Variants in NAPG observed in about 807,000 individuals in gnomAD.
The protein encoded by NAPG is NSF attachment protein gamma, also known as gamma-soluble NSF attachment protein.
NAPG carries 25 observed loss-of-function variants against 48.4 expected under a neutral mutation model. That is an observed-to-expected ratio of 0.52 (90% CI 0.38 to 0.72). The LOEUF (loss-of-function observed/expected upper bound fraction) is 0.72, where lower values mean the gene tolerates loss of function less well. Ranked by LOEUF, NAPG falls within the 30% of genes least tolerant of loss-of-function variation. The probability of loss-of-function intolerance (pLI) is 0.00; values close to 1 mark genes in which losing one functional copy is unlikely to be tolerated. For synonymous variants in NAPG, 139 were observed against 127.2 expected (o/e 1.09, Z -0.62); for missense variants, 359 against 372.5 (o/e 0.96, Z 0.30).
chr18:10,528,043 G>A (rs560969094), intron 1 of NAPG, among the ~76,000 whole-genome samples: 3,925 of 152,104 alleles, frequency 0.026, 171 homozygotes, highest in African/African-American at 0.089. Context: ...AAAATTAGCC[G>A]GCTGTGGTGG....
chr18:10,536,716 A>T (rs975546147), intron 5 of NAPG, among the ~76,000 whole-genome samples: 2 of 152,112 alleles, frequency 1.3e-5, no homozygotes, highest in Non-Finnish European at 2.9e-5. Flanking sequence ...ACTGCCTTCT[A>T]ATGTATTTTT....
intron 2 of NAPG, 94 bp from the exon 3 acceptor site, chr18:10,532,617 A>G (rs1008802969): frequency 3.4e-6 from 3 of 869,686 alleles, no homozygotes; most frequent in Non-Finnish European, 5.2e-6. Context: ...TGAAGTAAGT[A>G]TGTTTATAAT....
At chr18:10,549,422 G>T (rs2032339936) in intron 11 of NAPG, among the ~76,000 whole-genome samples, 2 of 152,080 alleles carry the variant, frequency 1.3e-5, no homozygotes, top group South Asian at 4.1e-4. Flanking sequence ...CTTTTAGACG[G>T]ACTCTCTGAA....
chr18:10,540,994 T>G (rs2032144801), intron 8 of NAPG, among the ~76,000 whole-genome samples: 1 of 152,198 alleles, frequency 6.6e-6, no homozygotes, highest in South Asian at 2.1e-4. Context: ...TAGGAGATTG[T>G]AAGTCTGCAG....
chr18:10,548,190 A>T lies in NAPG; in HGVS notation c.586-109A>T. ...CTATAGCATTTATAAATCTCTGTTTATACAAACAAAGACTCTGAAAGTTAA... is the reference window on the plus strand; with the variant it reads ...CTATAGCATTTATAAATCTCTGTTTTTACAAACAAAGACTCTGAAAGTTAA... On this transcript the variant is annotated intron_variant, in intron 9 of 11. Transcript: ENST00000322897. This position sits in a 1 kb window ranked among gnomAD's most constrained non-coding sequence, Gnocchi z 4.4. 2 of 758,836 alleles carry T rather than the reference A, an allele frequency of 2.6e-6. No individual in the cohort carries two copies. Among genetic ancestry groups the T allele is most frequent in the Non-Finnish European group, 4.5e-6 (2 of 441,656 alleles). 47.0% of individuals were successfully genotyped at this position (758,836 alleles called of 1,614,324 possible).
At chr18:10,530,680 T>G in intron 1 of NAPG, 90 bp from the exon 2 acceptor site, 1 of 759,550 alleles carries the variant, frequency 1.3e-6, no homozygotes, top group South Asian at 3.9e-5. Flanking sequence ...TTTTTTTTTT[T>G]TTTTAAAGAC....
At position 10,546,816 on chromosome 18, in the gene NAPG, C is replaced by A. The variant is rs1305070296; in HGVS notation, c.585+412C>A. Among the ~76,000 whole-genome samples, 1 of 152,162 alleles carries A rather than the reference C, an allele frequency of 6.6e-6. No homozygotes were observed. Among genetic ancestry groups the A allele is most frequent in the Non-Finnish European group, 1.5e-5 (1 of 68,030 alleles). ...AACAATGAAAACTCCAAAAGAAACCCCGCCTTTCTAACCAGCAATGGGAGA... is the reference window on the plus strand; with the variant it reads ...AACAATGAAAACTCCAAAAGAAACCACGCCTTTCTAACCAGCAATGGGAGA... On this transcript the variant is annotated intron_variant, in intron 9 of 11. Coordinates refer to ENST00000322897, the MANE Select transcript of NAPG (RefSeq NM_003826.3). This position sits in a 1 kb window ranked among gnomAD's most constrained non-coding sequence, Gnocchi z 4.0.
intron 9 of NAPG, among the ~76,000 whole-genome samples, chr18:10,547,873 CT>C (rs1347239165): frequency 3.3e-5 from 5 of 152,108 alleles, no homozygotes; most frequent in African/African-American, 1.2e-4. Context: ...TTCCTAGTTT[CT>C]TTTTAAGGAT....
rs745577497 is a variant in NAPG at position 10,548,361 on chromosome 18, T to C, written c.648T>C (p.Cys216=). 1.2e-6 allele frequency: 2 copies of C among 1,613,636 alleles called. No homozygotes were observed. The highest frequency in any genetic ancestry group is 2.2e-5 in the South Asian group (2 of 91,072). Residue 216 remains cysteine (C), a synonymous_variant, in exon 10 of 12, where the codon TGT becomes TGC. Coordinates refer to ENST00000322897, the MANE Select transcript of NAPG (RefSeq NM_003826.3). This position sits in a 1 kb window ranked among gnomAD's most constrained non-coding sequence, Gnocchi z 4.4. ...ATGACTATGTAGCTGCAGAAAGATG[T>C]GTCCGGGAGAGCTATAGGTAAGACG... is the stretch of plus-strand genomic sequence containing the variant. ...HRNDYVAAER[C]VRESYSIPGF... is the part of the protein sequence containing the mutation.
Position 10,532,772 on chromosome 18 carries a change from T to C in NAPG, c.186T>C (p.Ala62=). The part of the protein sequence containing the change: ...EQAKDACLRE[A]VAHENNRALF... The stretch of plus-strand genomic sequence containing the variant: ...CAAAAGATGCCTGCCTGAGGGAAGC[T>C]GTTGCCCATGAAAATAATAGGGCGT... Residue 62 remains alanine (A), a synonymous_variant, in exon 3 of 12, where the codon GCT becomes GCC. Transcript: ENST00000322897. 1 of 1,588,434 alleles carries C rather than the reference T, an allele frequency of 6.3e-7. No homozygotes were observed. Among genetic ancestry groups the C allele is most frequent in the Non-Finnish European group, 8.6e-7 (1 of 1,165,802 alleles).
intron 1 of NAPG, among the ~76,000 whole-genome samples, chr18:10,529,330 T>A (rs1225532366): frequency 6.6e-6 from 1 of 152,264 alleles, no homozygotes; most frequent in Non-Finnish European, 1.5e-5. Flanking sequence ...TTAAGGATAT[T>A]ATTTTTCTGA....
chr18:10,537,334 CT>C (rs1317123122), intron 5 of NAPG, among the ~76,000 whole-genome samples: 1 of 152,110 alleles, frequency 6.6e-6, no homozygotes. Flanking sequence ...ATGTTTTATA[CT>C]GTATTCTTAG....
intron 1 of NAPG, among the ~76,000 whole-genome samples, chr18:10,529,879 G>A (rs1189238987): frequency 6.6e-6 from 1 of 152,210 alleles, no homozygotes; most frequent in Admixed American, 6.5e-5. Flanking sequence ...GTCATTTGAA[G>A]CAAGCAGTGT....
chr18:10,544,350 C>G lies in NAPG; in HGVS notation c.507-1976C>G, dbSNP rs75965074. On this transcript the variant is annotated intron_variant, in intron 8 of 11. Transcript: ENST00000322897. The surrounding 1 kb of genome is among the most constrained non-coding windows in gnomAD (Gnocchi z 5.1). The stretch of plus-strand genomic sequence containing the variant: ...TAGCAGAGCTAGGGTCTCACCAGGC[C>G]GAAATGAAGGTGTCGGAGGGGGCTG... Among the ~76,000 whole-genome samples the G allele has an allele frequency of 3.0e-3, 464 of 152,224 alleles. 1 individual carries two copies. Among genetic ancestry groups the G allele is most frequent in the African/African-American group, 0.01 (416 of 41,528 alleles).
In NAPG at chr18:10,544,020, A is replaced by G. The variant is rs375277806; in HGVS notation, c.507-2306A>G. Among the ~76,000 whole-genome samples, 5 of 152,344 alleles carry G rather than the reference A, an allele frequency of 3.3e-5. No homozygotes were observed. Among genetic ancestry groups the G allele is most frequent in the East Asian group, 1.9e-4 (1 of 5,190 alleles). On this transcript the variant is annotated intron_variant, in intron 8 of 11. Coordinates refer to ENST00000322897, the MANE Select transcript of NAPG (RefSeq NM_003826.3). The surrounding 1 kb of genome is among the most constrained non-coding windows in gnomAD (Gnocchi z 5.1). ...TTTATGCGTAAAGAATGCACCCTTT[A>G]TAGTTAAATATATGAAAAGTTTAAA...
intron 7 of NAPG, 101 bp downstream of exon 7, chr18:10,540,155 C>T (rs2032121138): frequency 1.8e-6 from 2 of 1,140,320 alleles, no homozygotes; most frequent in Non-Finnish European, 1.2e-6. Context: ...AAAACTTTTC[C>T]CTGCTCACAG....
chr18:10,540,214 C>CT, intron 7 of NAPG, 115 bp from the exon 8 acceptor site: 7 of 1,060,746 alleles, frequency 6.6e-6, no homozygotes, highest in Non-Finnish European at 8.4e-6. Context: ...GAACTAGCAG[C>CT]TTTCGTGTTC....
intron 1 of NAPG, among the ~76,000 whole-genome samples, chr18:10,528,110 C>T (rs1339885008): frequency 6.6e-6 from 1 of 152,094 alleles, no homozygotes; most frequent in African/African-American, 2.4e-5. Context: ...CCCTTGAGCC[C>T]TAGAGGCGGA....
Position 10,539,443 on chromosome 18 carries a change from A to G in NAPG, c.259-319A>G, listed in dbSNP as rs927654915. ...AACCAAACACCGCATGTTCTCACTC[A>G]TACGTGGGAATTGAACCACAAGGAC... is the stretch of plus-strand genomic sequence containing the variant. On this transcript the variant is annotated intron_variant, in intron 5 of 11. Coordinates refer to ENST00000322897, the MANE Select transcript of NAPG (RefSeq NM_003826.3). This position sits in a 1 kb window ranked among gnomAD's most constrained non-coding sequence, Gnocchi z 4.7. 3 of 242,282 alleles carry G rather than the reference A, an allele frequency of 1.2e-5. No homozygotes were observed. The highest frequency in any genetic ancestry group is 9.9e-5 in the East Asian group (1 of 10,094). The allele number at this position is 242,282 out of a possible 1,614,324, so 15.0% of individuals were successfully genotyped here. A position where few individuals can be genotyped will look rare whatever the true frequency, so the allele number is the denominator to read the frequency against.
Sources: gnomAD v4.1 joint callset for allele counts (sites outside exome capture counted in the v4.1 genomes callset) on GRCh38, gnomAD v4.1.1 for gene constraint, Gnocchi (gnomAD v3.1) non-coding constraint, MANE v1.5 for transcripts, NCBI Gene and HGNC (gene_info 2026-07-23, HGNC 2026-07-21) for gene names.